Variants in ROBO1 observed in about 807,000 individuals in gnomAD.
The protein encoded by ROBO1 is roundabout homolog 1.
Under a neutral mutation model 195.9 loss-of-function variants are expected in ROBO1, and 149 were observed. That is an observed-to-expected ratio of 0.76 (90% CI 0.67 to 0.87). The LOEUF is 0.87. Ranked by LOEUF, ROBO1 falls within the 40% of genes least tolerant of loss-of-function variation. The pLI is 0.00. For synonymous variants in ROBO1, 816 were observed against 733.2 expected (o/e 1.11, Z -1.82); for missense variants, 1,933 against 2,068.3 (o/e 0.93, Z 1.27).
At chr3:79,698,304 A>G (rs1202296041) in intron 1 of ROBO1, among the ~76,000 whole-genome samples, 1 of 151,440 alleles carries the variant, frequency 6.6e-6, no homozygotes, top group Non-Finnish European at 1.5e-5. Context: ...TGAAATCATA[A>G]CTATTAATTT....
intron 1 of ROBO1, among the ~76,000 whole-genome samples, chr3:79,748,639 A>T (rs1222559466): frequency 6.6e-6 from 1 of 152,120 alleles, no homozygotes; most frequent in Non-Finnish European, 1.5e-5. Flanking sequence ...ATGTGTTGTG[A>T]GAGGAACCTG....
intron 3 of ROBO1, among the ~76,000 whole-genome samples, chr3:79,072,768 A>G (rs1280797864): frequency 6.6e-6 from 1 of 151,992 alleles, no homozygotes; most frequent in Non-Finnish European, 1.5e-5. Flanking sequence ...ATAGCCATCT[A>G]TATCTTAACT....
intron 1 of ROBO1, among the ~76,000 whole-genome samples, chr3:79,651,766 A>C (rs1946016456): frequency 6.6e-6 from 1 of 152,160 alleles, no homozygotes; most frequent in East Asian, 1.9e-4. Context: ...AAAAAGTATT[A>C]TACTTTCATT....
intron 2 of ROBO1, among the ~76,000 whole-genome samples, chr3:79,173,940 A>G (rs1559712551): frequency 1.3e-5 from 2 of 152,104 alleles, no homozygotes; most frequent in Admixed American, 1.3e-4. Context: ...GACACTCTGT[A>G]TCTAGCTACT....
intron 2 of ROBO1, among the ~76,000 whole-genome samples, chr3:79,174,264 C>T (rs541891989): frequency 5.3e-5 from 8 of 152,126 alleles, no homozygotes; most frequent in African/African-American, 1.9e-4. Context: ...CTCCTGAAGC[C>T]AGCGAGCCCA....
intron 1 of ROBO1, among the ~76,000 whole-genome samples, chr3:79,594,617 C>A (rs1944106240): frequency 6.6e-6 from 1 of 151,890 alleles, no homozygotes; most frequent in African/African-American, 2.4e-5. Context: ...CCTAGCTCAC[C>A]ACTCAGATAA....
At chr3:78,602,125 A>G (rs1575756924) in intron 29 of ROBO1, among the ~76,000 whole-genome samples, 1 of 151,920 alleles carries the variant, frequency 6.6e-6, no homozygotes, top group East Asian at 1.9e-4. Context: ...TCGCATGTTG[A>G]ATTGTAATCC....
intron 4 of ROBO1, among the ~76,000 whole-genome samples, chr3:78,901,803 A>G: frequency 6.6e-6 from 1 of 152,172 alleles, no homozygotes; most frequent in Non-Finnish European, 1.5e-5. Flanking sequence ...TGTCTATACT[A>G]ATAACTTTTG....
chr3:79,689,184 A>T (rs2107060564), intron 1 of ROBO1, among the ~76,000 whole-genome samples: 1 of 152,186 alleles, frequency 6.6e-6, no homozygotes, highest in East Asian at 1.9e-4. Flanking sequence ...ACAGGATATC[A>T]AACCTTTGAT....
intron 3 of ROBO1, among the ~76,000 whole-genome samples, chr3:78,943,058 C>CA (rs1045595460): frequency 2.4e-4 from 36 of 151,418 alleles, no homozygotes; most frequent in Middle Eastern, 3.4e-3. Context: ...ACTAAAAATA[C>CA]AAAAAAAATT....
intron 2 of ROBO1, among the ~76,000 whole-genome samples, chr3:79,255,892 T>C (rs936514194): frequency 3.3e-5 from 5 of 152,132 alleles, no homozygotes; most frequent in African/African-American, 1.2e-4. Flanking sequence ...GGATGGAGGC[T>C]GGATCATCTC....
At chr3:79,568,825 T>C (rs1321238424) in intron 2 of ROBO1, among the ~76,000 whole-genome samples, 1 of 152,206 alleles carries the variant, frequency 6.6e-6, no homozygotes, top group Non-Finnish European at 1.5e-5. Context: ...ATGAATATAG[T>C]ATGTTACATT....
chr3:79,079,907 TA>T (rs1308793926), intron 3 of ROBO1, among the ~76,000 whole-genome samples: 1 of 151,862 alleles, frequency 6.6e-6, no homozygotes, highest in Non-Finnish European at 1.5e-5. Context: ...GTCTATATTT[TA>T]AATAAAAATG....
intron 2 of ROBO1, among the ~76,000 whole-genome samples, chr3:79,431,569 A>T (rs2038680703): frequency 6.6e-6 from 1 of 152,178 alleles, no homozygotes. Context: ...ACAGATTCAG[A>T]AGACAAAAAC....
At chr3:79,446,546 A>C (rs768519057) in intron 2 of ROBO1, among the ~76,000 whole-genome samples, 4 of 152,200 alleles carry the variant, frequency 2.6e-5, no homozygotes, top group Non-Finnish European at 2.9e-5. Flanking sequence ...TGATAAATGG[A>C]GGATTTTTCC....
intron 1 of ROBO1, among the ~76,000 whole-genome samples, chr3:79,631,668 C>A (rs1945346012): frequency 6.6e-6 from 1 of 151,690 alleles, no homozygotes; most frequent in African/African-American, 2.4e-5. Context: ...TTCTTCACAG[C>A]AAAAGAAATA....
intron 2 of ROBO1, among the ~76,000 whole-genome samples, chr3:79,141,681 T>C (rs1238620650): frequency 6.6e-6 from 1 of 151,792 alleles, no homozygotes; most frequent in South Asian, 2.1e-4. Context: ...GGGGTTTCAC[T>C]GCGCAAATTC....
intron 4 of ROBO1, among the ~76,000 whole-genome samples, chr3:78,876,184 A>C (rs1289167280): frequency 1.3e-5 from 2 of 152,150 alleles, no homozygotes; most frequent in African/African-American, 2.4e-5. Flanking sequence ...CCATGTTTTG[A>C]AAAGTATCAA....
intron 1 of ROBO1, among the ~76,000 whole-genome samples, chr3:79,753,251 T>C (rs1278007787): frequency 1.3e-5 from 2 of 151,976 alleles, no homozygotes; most frequent in African/African-American, 4.8e-5. Context: ...CCAGCAATTC[T>C]GATTTAAATG....
Sources: allele counts gnomAD v4.1 joint callset (sites outside exome capture counted in the v4.1 genomes callset), GRCh38; gene constraint gnomAD v4.1.1; transcripts MANE v1.5; gene names NCBI Gene and HGNC (gene_info 2026-07-23, HGNC 2026-07-21).